The following GLP1R variants were observed in gnomAD, a reference collection of about 807,000 sequenced individuals.
GLP1R encodes glucagon-like peptide 1 receptor.
A neutral mutation model predicts 68.4 loss-of-function variants in GLP1R; 32 were observed. The observed-to-expected ratio is 0.47, with a 90% CI of 0.35 to 0.63. GLP1R has a LOEUF of 0.63. GLP1R is among the 20% of genes least tolerant of loss of function. The pLI is 0.00. For synonymous variants in GLP1R, 263 were observed against 244.4 expected (o/e 1.08, Z -0.71); for missense variants, 502 against 594.9 (o/e 0.84, Z 1.62).
intron 3 of GLP1R, among the ~76,000 whole-genome samples, chr6:39,064,536 C>T (rs1250475267): frequency 6.6e-6 from 1 of 152,108 alleles, no homozygotes; most frequent in African/African-American, 2.4e-5. Flanking sequence ...GTCAATATCC[C>T]CCCACCCTCT....
chr6:39,077,015 G>A (rs1308407193), intron 7 of GLP1R, among the ~76,000 whole-genome samples: 1 of 152,120 alleles, frequency 6.6e-6, no homozygotes, highest in African/African-American at 2.4e-5. Context: ...CAAGGAACTG[G>A]GAACCAGTTG....
chr6:39,056,972 A>C (rs551634203), intron 2 of GLP1R, among the ~76,000 whole-genome samples: 1 of 152,150 alleles, frequency 6.6e-6, no homozygotes, highest in Non-Finnish European at 1.5e-5. Context: ...TGTTTCAGGG[A>C]GTTCACAAGG....
At chr6:39,061,352 TCTG>T (rs1277971653) in intron 3 of GLP1R, among the ~76,000 whole-genome samples, 1 of 152,238 alleles carries the variant, frequency 6.6e-6, no homozygotes, top group East Asian at 1.9e-4. Context: ...AAACAGCTGA[TCTG>T]CTTGTTACAA....
At position 39,058,907 on chromosome 6, in the gene GLP1R, AAGC is replaced by A. The variant is rs10305446; in HGVS notation, c.283+1333_283+1335del. 1.0e-3 allele frequency among the ~76,000 whole-genome samples: 153 copies of A among 152,370 alleles called. 1 individual carries two copies. Among genetic ancestry groups the A allele is most frequent in the African/African-American group, 3.5e-3 (146 of 41,594 alleles). Reference sequence around the variant, plus strand: ...TCACACCTTGAAGGGGCTGGAGCCCAAGCAGCAACTGGCCCAGAAACAAGTGCG... The same window carrying A: ...TCACACCTTGAAGGGGCTGGAGCCCAAGCAACTGGCCCAGAAACAAGTGCG... On this transcript the variant is annotated intron_variant, in intron 3 of 12. Transcript: ENST00000373256.
chr6:39,086,321 A>G lies in GLP1R; in HGVS notation c.*248A>G. ...GCCTCCTAATTTGATCACAGTGGCG[A>G]GAGGAGAGGAAAAACGATCGCTGTG... On this transcript the variant is annotated 3_prime_UTR_variant, in exon 13 of 13. Coordinates refer to ENST00000373256, the MANE Select transcript of GLP1R (RefSeq NM_002062.5). The surrounding 1 kb of genome is among the most constrained non-coding windows in gnomAD (Gnocchi z 4.5). 2.3e-6 allele frequency: 1 copy of G among 431,064 alleles called. No homozygotes were observed. Among genetic ancestry groups the G allele is most frequent in the Non-Finnish European group, 4.1e-6 (1 of 242,948 alleles). 26.7% of individuals were successfully genotyped at this position (431,064 alleles called of 1,614,324 possible).
intron 1 of GLP1R, among the ~76,000 whole-genome samples, chr6:39,051,446 C>T (rs1768085755): frequency 6.6e-6 from 1 of 152,094 alleles, no homozygotes; most frequent in African/African-American, 2.4e-5. Flanking sequence ...TAGTGAATGG[C>T]AGGTGGAGTC....
Position 39,085,872 on chromosome 6 carries a change from G to T in GLP1R, c.1225-34G>T, listed in dbSNP as rs1174145986. The T allele has an allele frequency of 3.7e-6, 6 of 1,608,976 alleles. No homozygotes were observed. The Admixed American group carries it at 5.0e-5, about 13-fold the overall frequency. On this transcript the variant is annotated intron_variant, in intron 12 of 12. Coordinates refer to ENST00000373256, the MANE Select transcript of GLP1R (RefSeq NM_002062.5). ...CATTTTGTTAGCCATTGGTTTGCATGATGGCTTTCGTTTCCCTCCTTTTCC... is the reference window on the plus strand; with the variant it reads ...CATTTTGTTAGCCATTGGTTTGCATTATGGCTTTCGTTTCCCTCCTTTTCC...
intron 3 of GLP1R, among the ~76,000 whole-genome samples, chr6:39,058,424 G>A (rs554829914): frequency 6.6e-6 from 1 of 152,230 alleles, no homozygotes; most frequent in South Asian, 2.1e-4. Flanking sequence ...GGGAAGATGT[G>A]ACTGGGTAGG....
intron 1 of GLP1R, among the ~76,000 whole-genome samples, chr6:39,056,072 T>C (rs1207408368): frequency 6.6e-6 from 1 of 152,130 alleles, no homozygotes; most frequent in Non-Finnish European, 1.5e-5. Flanking sequence ...CTAAGTGAGA[T>C]CAGAGATCAC....
In GLP1R at chr6:39,086,213, T is replaced by G; in HGVS notation, c.*140T>G. On this transcript the variant is annotated 3_prime_UTR_variant, in exon 13 of 13. Transcript: ENST00000373256. The surrounding 1 kb of genome is among the most constrained non-coding windows in gnomAD (Gnocchi z 4.5). ...CACACACACACACACACATACATCC[T>G]GCTTTCCCTCCCCAAACCCATCAGA... The G allele has an allele frequency of 1.6e-6, 1 of 627,042 alleles. No homozygotes were observed. The highest frequency in any genetic ancestry group is 2.6e-6 in the Non-Finnish European group (1 of 384,066). 38.8% of individuals were successfully genotyped at this position (627,042 alleles called of 1,614,324 possible).
chr6:39,080,228 G>A (rs116692285), intron 11 of GLP1R, among the ~76,000 whole-genome samples: 4 of 152,190 alleles, frequency 2.6e-5, no homozygotes, highest in African/African-American at 9.6e-5. Flanking sequence ...CACACATGTG[G>A]GCTCATGTGT....
intron 5 of GLP1R, 57 bp from the exon 6 acceptor site, chr6:39,072,805 T>C (rs1299235562): frequency 6.6e-7 from 1 of 1,507,540 alleles, no homozygotes; most frequent in East Asian, 2.3e-5. Context: ...GAGCCTGGGG[T>C]TGTAGAGCAG....
chr6:39,068,625 A>T (rs1023772055), intron 5 of GLP1R, among the ~76,000 whole-genome samples: 3 of 152,236 alleles, frequency 2.0e-5, no homozygotes, highest in African/African-American at 7.2e-5. Context: ...CACCACGTGA[A>T]CACTGCCGAG....
intron 5 of GLP1R, among the ~76,000 whole-genome samples, chr6:39,069,126 A>G (rs1316809479): frequency 6.6e-6 from 1 of 152,126 alleles, no homozygotes; most frequent in African/African-American, 2.4e-5. Context: ...CAAATATTCT[A>G]TTTCATTGCT....
In GLP1R at chr6:39,065,692, C is replaced by T. The variant is rs200291760; in HGVS notation, c.284-19C>T. On this transcript the variant is annotated intron_variant, in intron 3 of 12. Coordinates refer to ENST00000373256, the MANE Select transcript of GLP1R (RefSeq NM_002062.5). The stretch of plus-strand genomic sequence containing the variant: ...CCCTATTCTGGGCTGAGGCTCAGGG[C>T]CAGGTCTCCCCACCCCAGTGCCGCA... 37 of 1,502,934 alleles carry T rather than the reference C, an allele frequency of 2.5e-5. No individual in the cohort carries two copies. The highest frequency in any genetic ancestry group is 3.1e-5 in the Non-Finnish European group (34 of 1,101,676). 93.1% of individuals were successfully genotyped at this position (1,502,934 alleles called of 1,614,324 possible).
Position 39,056,483 on chromosome 6 carries a change from T to C in GLP1R, c.165T>C (p.Pro55=), listed in dbSNP as rs767797912. ...QCQRSLTEDP[P]PATDLFCNRT... ...AGCGCTCCCTGACTGAGGATCCACCTCCTGCCACAGGTGAGTCCATGTAGG... is the reference window on the plus strand; with the variant it reads ...AGCGCTCCCTGACTGAGGATCCACCCCCTGCCACAGGTGAGTCCATGTAGG... Residue 55 remains proline, a synonymous_variant, in exon 2 of 13, where the codon CCT becomes CCC. Coordinates refer to ENST00000373256, the MANE Select transcript of GLP1R (RefSeq NM_002062.5). The C allele has an allele frequency of 6.3e-7, 1 of 1,580,502 alleles. No individual in the cohort carries two copies.
In GLP1R at chr6:39,088,070, T is replaced by C. The variant is rs1769195568; in HGVS notation, c.*1997T>C. ...TGAAATAAATTGCTGAGGAGAGGGA[T>C]TGTAGGGAAGAAGTTGCTTAGTTAG... On this transcript the variant is annotated 3_prime_UTR_variant, in exon 13 of 13. Coordinates refer to ENST00000373256, the MANE Select transcript of GLP1R (RefSeq NM_002062.5). Among the ~76,000 whole-genome samples the C allele has an allele frequency of 6.6e-6, 1 of 152,122 alleles. No homozygotes were observed. Among genetic ancestry groups the C allele is most frequent in the African/African-American group, 2.4e-5 (1 of 41,414 alleles).
Position 39,066,321 on chromosome 6 carries a change from C to T in GLP1R, c.509+18C>T. On this transcript the variant is annotated intron_variant, in intron 5 of 12. Transcript: ENST00000373256. ...GGCTTCAGGTAAGGTGGCCCGGACC[C>T]TGGGAGGGGGCTGCTTCATCCTAAC... The T allele has an allele frequency of 7.0e-7, 1 of 1,419,276 alleles. No individual in the cohort carries two copies. Among genetic ancestry groups the T allele is most frequent in the South Asian group, 1.1e-5 (1 of 86,998 alleles). 87.9% of individuals were successfully genotyped at this position (1,419,276 alleles called of 1,614,324 possible).
chr6:39,073,162 G>A, intron 6 of GLP1R, 147 bp downstream of exon 6: 1 of 709,410 alleles, frequency 1.4e-6, no homozygotes, highest in Non-Finnish European at 2.3e-6. Context: ...GGGAGAGGCA[G>A]TTCGCCTTGG....
Sources: allele counts gnomAD v4.1 joint callset (sites outside exome capture counted in the v4.1 genomes callset), GRCh38; gene constraint gnomAD v4.1.1; non-coding constraint Gnocchi (gnomAD v3.1); transcripts MANE v1.5; gene names NCBI Gene and HGNC (gene_info 2026-07-23, HGNC 2026-07-21).